UTY: variants seen among roughly 807,000 people sequenced by gnomAD.
UTY encodes ubiquitously transcribed tetratricopeptide repeat containing, Y-linked.
In UTY, 12 loss-of-function variants were observed where a neutral mutation model predicts 32.5. The ratio of observed to expected loss-of-function variants is 0.37; its 90% CI spans 0.24 to 0.60. The LOEUF (loss-of-function observed/expected upper bound fraction) is 0.60. Ranked by LOEUF, UTY falls within the 20% of genes least tolerant of loss-of-function variation. The pLI, the probability that UTY is intolerant of heterozygous loss-of-function variation, is 0.69. For synonymous variants in UTY, 131 were observed against 103.4 expected (o/e 1.27, Z -1.62); for missense variants, 303 against 299.2 (o/e 1.01, Z -0.09).
At chrY:13,250,145 G>A (rs896561135) in intron 29 of UTY, among the ~76,000 whole-genome samples, 1 of 33,083 alleles carries the variant, frequency 3.0e-5, no homozygotes, top group African/African-American at 1.2e-4. Context: ...CTCAGCCTCC[G>A]AGTAGCTGGG....
In UTY at chrY:13,360,498, A is replaced by G. The variant is rs2063429388; in HGVS notation, c.897T>C (p.Asp299=). 1 of 395,034 alleles carries G rather than the reference A, an allele frequency of 2.5e-6. No individual in the cohort carries two copies. Among genetic ancestry groups the G allele is most frequent in the African/African-American group, 6.4e-5 (1 of 15,608 alleles). Residue 299 remains aspartate, a synonymous_variant, in exon 11 of 30, where the codon GAT becomes GAC. Transcript: ENST00000545955. ...RCYSSIGKVQ[D]AFISYRQSID... ...TAGATTGCCTGTAAGATATAAAGGC[A>G]TCCTGAACTTTCCCAATACTTGAAT...
chrY:13,401,193 C>T, intron 6 of UTY, among the ~76,000 whole-genome samples: 1 of 33,688 alleles, frequency 3.0e-5, no homozygotes, highest in African/African-American at 1.2e-4. Flanking sequence ...ACGCCTTCCA[C>T]CATGTTCTGA....
At chrY:13,295,899 A>C in intron 27 of UTY, among the ~76,000 whole-genome samples, 1 of 34,168 alleles carries the variant, frequency 2.9e-5, no homozygotes, top group Non-Finnish European at 7.3e-5. Flanking sequence ...TGCTGCGCAC[A>C]GGCCATATGA....
intron 21 of UTY, among the ~76,000 whole-genome samples, chrY:13,321,558 C>A (rs2059837163): frequency 3.0e-5 from 1 of 33,303 alleles, no homozygotes; most frequent in Admixed American, 2.7e-4. Context: ...CTGATTGCCT[C>A]CTTTGGAGAG....
intron 18 of UTY, among the ~76,000 whole-genome samples, chrY:13,332,590 C>T (rs2060765653): frequency 3.0e-5 from 1 of 33,548 alleles, no homozygotes; most frequent in Non-Finnish European, 7.4e-5. Context: ...ATTGATGGAA[C>T]ATGTCTCAAT....
intron 27 of UTY, among the ~76,000 whole-genome samples, chrY:13,288,890 CAT>C (rs2148662343): frequency 3.0e-5 from 1 of 33,522 alleles, no homozygotes; most frequent in South Asian, 6.6e-4. Context: ...GTTGTCTACA[CAT>C]AGATGATCAG....
At chrY:13,291,077 C>G (rs2148675041) in intron 27 of UTY, among the ~76,000 whole-genome samples, 2 of 31,506 alleles carry the variant, frequency 6.3e-5, no homozygotes, top group South Asian at 1.5e-3. Context: ...AGCCAGGATG[C>G]TCTCCATCTC....
intron 6 of UTY, among the ~76,000 whole-genome samples, chrY:13,405,056 T>C (rs768042702): frequency 6.1e-5 from 2 of 32,707 alleles, no homozygotes; most frequent in Admixed American, 5.6e-4. Flanking sequence ...CCGATATATA[T>C]GTGTACATAT....
intron 17 of UTY, among the ~76,000 whole-genome samples, chrY:13,339,555 C>T: frequency 6.0e-5 from 2 of 33,528 alleles, no homozygotes; most frequent in African/African-American, 2.3e-4. Flanking sequence ...CTCCACTGAC[C>T]CAGATGAAAC....
intron 27 of UTY, among the ~76,000 whole-genome samples, chrY:13,270,288 G>A (rs777663977): frequency 9.0e-5 from 3 of 33,214 alleles, no homozygotes; most frequent in South Asian, 1.4e-3. Flanking sequence ...TAAAGAGCAC[G>A]TACATTTTGA....
intron 17 of UTY, 49 bp from the exon 18 acceptor site, chrY:13,336,384 T>C: frequency 3.2e-6 from 1 of 309,765 alleles, no homozygotes; most frequent in Non-Finnish European, 4.7e-6. Context: ...GAAATGCATA[T>C]ACAGAAAACT....
At chrY:13,315,572 C>T in intron 21 of UTY, among the ~76,000 whole-genome samples, 1 of 33,804 alleles carries the variant, frequency 3.0e-5, no homozygotes, top group Admixed American at 2.7e-4. Flanking sequence ...CACACCATTG[C>T]ACTCCAGCCT....
At chrY:13,246,880 GAAAAAAAAAAAA>G (rs1556220098), downstream of UTY, among the ~76,000 whole-genome samples, 1 of 2,331 alleles carries the variant, frequency 4.3e-4, no homozygotes, top group Admixed American at 4.5e-3. Context: ...TCTGTCTCAG[GAAAAAAAAAAAA>G]AAAAAAAAAA....
At chrY:13,303,757 C>T (rs1603350352) in intron 24 of UTY, among the ~76,000 whole-genome samples, 2 of 33,165 alleles carry the variant, frequency 6.0e-5, no homozygotes, top group East Asian at 7.8e-4. Context: ...TTGGTTATTC[C>T]CCTGCTAGAT....
chrY:13,296,011 G>C (rs2058011165), intron 27 of UTY, among the ~76,000 whole-genome samples: 1 of 33,518 alleles, frequency 3.0e-5, no homozygotes, highest in Non-Finnish European at 7.4e-5. Flanking sequence ...CTGTGGCCCT[G>C]CTCCCACACC....
chrY:13,365,556 T>A, intron 10 of UTY, among the ~76,000 whole-genome samples: 1 of 32,408 alleles, frequency 3.1e-5, no homozygotes, highest in Non-Finnish European at 7.5e-5. Flanking sequence ...ATAATATAAT[T>A]ATATTTTAAT....
chrY:13,291,409 T>C, intron 27 of UTY, among the ~76,000 whole-genome samples: 1 of 33,479 alleles, frequency 3.0e-5, no homozygotes, highest in South Asian at 6.6e-4. Context: ...AACAAGATAA[T>C]GTCCTTGCAT....
intron 14 of UTY, chrY:13,358,212 A>G: frequency 7.3e-6 from 1 of 137,652 alleles, no homozygotes; most frequent in Non-Finnish European, 9.3e-6. Context: ...TTCAACATTC[A>G]GTTTATTTCA....
chrY:13,239,171 T>C (rs1016815279), intron 28 of UTY, among the ~76,000 whole-genome samples: 1 of 33,179 alleles, frequency 3.0e-5, no homozygotes, highest in Admixed American at 2.7e-4. Context: ...GAAGAATTCT[T>C]TGAATGAAGT....
Sources: allele counts gnomAD v4.1 joint callset (sites outside exome capture counted in the v4.1 genomes callset), GRCh38; gene constraint gnomAD v4.1.1; transcripts MANE v1.5; gene names NCBI Gene and HGNC (gene_info 2026-07-23, HGNC 2026-07-21).